The following DAB1 variants were observed in gnomAD, a reference collection of about 807,000 sequenced individuals.
The protein encoded by DAB1 is DAB adaptor protein 1.
DAB1 carries 15 observed loss-of-function variants against 64.6 expected under a neutral mutation model. The observed-to-expected ratio is 0.23, with a 90% CI of 0.16 to 0.36. DAB1 has a LOEUF of 0.36. Ranked by LOEUF, DAB1 falls within the 10% of genes least tolerant of loss-of-function variation. The probability of loss-of-function intolerance (pLI) is 1.00; values close to 1 mark genes in which losing one functional copy is unlikely to be tolerated. For synonymous variants in DAB1, 235 were observed against 251.9 expected (o/e 0.93, Z 0.64); for missense variants, 596 against 706.7 (o/e 0.84, Z 1.78).
intron 1 of DAB1, among the ~76,000 whole-genome samples, chr1:57,882,904 C>T (rs780106485): frequency 2.0e-5 from 3 of 152,092 alleles, no homozygotes; most frequent in Non-Finnish European, 4.4e-5. Flanking sequence ...AAAGGTACAC[C>T]GAACCCAGTT....
intron 4 of DAB1, among the ~76,000 whole-genome samples, chr1:58,339,224 T>C (rs1226146006): frequency 6.6e-6 from 1 of 152,212 alleles, no homozygotes; most frequent in Admixed American, 6.5e-5. Context: ...AAGACGAAAC[T>C]TGTTTAGGAT....
intron 4 of DAB1, among the ~76,000 whole-genome samples, chr1:58,296,806 A>G (rs1053875126): frequency 2.0e-5 from 3 of 152,168 alleles, no homozygotes; most frequent in Non-Finnish European, 4.4e-5. Flanking sequence ...TTGAATCCCA[A>G]TCCACTTCCA....
chr1:57,072,351 G>A lies in DAB1; in HGVS notation c.370C>T (p.Arg124Trp), dbSNP rs753323128. The A allele has an allele frequency of 1.9e-6, 3 of 1,613,694 alleles. No individual in the cohort carries two copies. The highest frequency in any genetic ancestry group is 2.5e-6 in the Non-Finnish European group (3 of 1,179,788). Residue 124 changes from arginine to tryptophan, a missense_variant, in exon 5 of 15, where the codon CGG becomes TGG. By Grantham distance (101) the Arg-to-Trp change is moderately radical (BLOSUM62 -3). Coordinates refer to ENST00000371236, the MANE Select transcript of DAB1 (RefSeq NM_001365792.1). ...SYIAKDITDH[R>W]AFGYVCGKEG... ...TTCCCACAAACATATCCAAAGGCCCGGTGATCTGTAATGTCCTTTGCAATG... is the reference window on the plus strand; with the variant it reads ...TTCCCACAAACATATCCAAAGGCCCAGTGATCTGTAATGTCCTTTGCAATG...
intron 6 of DAB1, among the ~76,000 whole-genome samples, chr1:57,696,012 C>A (rs1000074037): frequency 6.6e-6 from 1 of 152,176 alleles, no homozygotes; most frequent in African/African-American, 2.4e-5. Context: ...TCATAGAGAA[C>A]CTTAACACCC....
At chr1:58,032,403 T>C (rs1188270093) in intron 5 of DAB1, among the ~76,000 whole-genome samples, 1 of 152,164 alleles carries the variant, frequency 6.6e-6, no homozygotes, top group Admixed American at 6.5e-5. Flanking sequence ...GTTGCATGGA[T>C]TGAATGGAAT....
intron 3 of DAB1, among the ~76,000 whole-genome samples, chr1:58,449,002 G>A (rs747757525): frequency 1.1e-4 from 16 of 152,182 alleles, no homozygotes; most frequent in Admixed American, 2.6e-4. Context: ...TGGAAATAGC[G>A]TAGAAGGCAA....
chr1:57,559,526 C>A (rs1385790665), intron 7 of DAB1, among the ~76,000 whole-genome samples: 1 of 152,146 alleles, frequency 6.6e-6, no homozygotes, highest in Non-Finnish European at 1.5e-5. Flanking sequence ...CTATTGGACA[C>A]CGGCTCTTAG....
intron 6 of DAB1, among the ~76,000 whole-genome samples, chr1:57,685,898 T>A (rs971456096): frequency 1.3e-5 from 2 of 152,172 alleles, no homozygotes; most frequent in East Asian, 1.9e-4. Context: ...ATCTCTGAGA[T>A]ACAGCTAAAG....
intron 3 of DAB1, among the ~76,000 whole-genome samples, chr1:58,475,372 G>T (rs1458761605): frequency 3.3e-5 from 5 of 152,008 alleles, no homozygotes; most frequent in African/African-American, 4.8e-5. Context: ...ATGTTGGCCA[G>T]GCTGGTCTGA....
intron 5 of DAB1, chr1:58,056,511 T>C (rs757479031): frequency 1.4e-5 from 16 of 1,127,078 alleles, no homozygotes; most frequent in Non-Finnish European, 2.0e-5. Flanking sequence ...AGAGCTCATG[T>C]GCATTCTTAA....
intron 10 of DAB1, among the ~76,000 whole-genome samples, chr1:57,024,594 C>T (rs1046335044): frequency 5.9e-5 from 9 of 152,152 alleles, no homozygotes; most frequent in African/African-American, 2.2e-4. Context: ...ATTTGGACTG[C>T]GCTTGGGTTC....
intron 5 of DAB1, among the ~76,000 whole-genome samples, chr1:57,955,406 T>C (rs950865670): frequency 7.9e-5 from 12 of 152,172 alleles, no homozygotes; most frequent in African/African-American, 2.9e-4. Flanking sequence ...CCTTGTCCTT[T>C]CTACTGTCAG....
At chr1:57,583,676 T>C (rs1570648421) in intron 7 of DAB1, among the ~76,000 whole-genome samples, 1 of 152,090 alleles carries the variant, frequency 6.6e-6, no homozygotes, top group African/African-American at 2.4e-5. Flanking sequence ...GATGTTTGGG[T>C]TTCCCTGTGC....
At chr1:58,338,425 G>A (rs1022925351) in intron 4 of DAB1, among the ~76,000 whole-genome samples, 44 of 152,246 alleles carry the variant, frequency 2.9e-4, no homozygotes, top group African/African-American at 7.2e-4. Context: ...ATGGAATTAA[G>A]GCATAGATAT....
chr1:57,151,999 A>T (rs1659723845), intron 2 of DAB1, among the ~76,000 whole-genome samples: 1 of 151,860 alleles, frequency 6.6e-6, no homozygotes, highest in East Asian at 1.9e-4. Flanking sequence ...TTTTTGGTAG[A>T]GATGAGGTTT....
intron 4 of DAB1, among the ~76,000 whole-genome samples, chr1:58,158,612 C>T (rs1405322103): frequency 1.3e-5 from 2 of 152,200 alleles, no homozygotes; most frequent in Non-Finnish European, 2.9e-5. Context: ...AGAGAAAAAT[C>T]TACTGCAGCT....
intron 3 of DAB1, among the ~76,000 whole-genome samples, chr1:58,505,089 A>T (rs1440919626): frequency 6.6e-6 from 1 of 152,106 alleles, no homozygotes; most frequent in African/African-American, 2.4e-5. Flanking sequence ...AGTAGCTGGG[A>T]TTACAGGCGC....
chr1:57,637,820 G>C (rs1646075458), intron 7 of DAB1, among the ~76,000 whole-genome samples: 1 of 152,164 alleles, frequency 6.6e-6, no homozygotes, highest in Admixed American at 6.5e-5. Flanking sequence ...TGTTATGAAG[G>C]TGTCCTCATA....
At chr1:57,202,883 C>A (rs1414336654) in intron 2 of DAB1, among the ~76,000 whole-genome samples, 1 of 152,222 alleles carries the variant, frequency 6.6e-6, no homozygotes, top group Admixed American at 6.5e-5. Flanking sequence ...ACAACTATGT[C>A]TTCTATCATT....
Sources: gnomAD v4.1 joint callset for allele counts (sites outside exome capture counted in the v4.1 genomes callset) on GRCh38, gnomAD v4.1.1 for gene constraint, MANE v1.5 for transcripts, NCBI Gene and HGNC (gene_info 2026-07-23, HGNC 2026-07-21) for gene names.